RGS6: variants seen among roughly 807,000 people sequenced by gnomAD.
RGS6 encodes the protein regulator of G-protein signaling 6.
Under a neutral mutation model 78.5 loss-of-function variants are expected in RGS6, and 30 were observed. The observed-to-expected ratio is 0.38, with a 90% CI of 0.29 to 0.52. The LOEUF (loss-of-function observed/expected upper bound fraction) is 0.52. RGS6 is among the 20% of genes least tolerant of loss of function. The probability of loss-of-function intolerance (pLI) is 0.85; values close to 1 mark genes in which losing one functional copy is unlikely to be tolerated. For synonymous variants in RGS6, 206 were observed against 206.0 expected (o/e 1.00, Z 0.00); for missense variants, 495 against 609.7 (o/e 0.81, Z 1.98).
intron 15 of RGS6, among the ~76,000 whole-genome samples, chr14:72,522,984 A>G (rs775805290): frequency 6.6e-6 from 1 of 152,258 alleles, no homozygotes; most frequent in Non-Finnish European, 1.5e-5. Flanking sequence ...ATGTTTCTAC[A>G]TGAGGATTGA....
In RGS6 at chr14:71,969,196, T is replaced by C. The variant is rs112365259; in HGVS notation, c.84+4321T>C. Among the ~76,000 whole-genome samples, 1,099 of 152,356 alleles carry C rather than the reference T, an allele frequency of 7.2e-3. 16 individuals carry two copies. The highest frequency in any genetic ancestry group is 0.025 in the African/African-American group (1,043 of 41,582). ...TGCATAGTATTCCATGGTGTATATGTGCCACATTTTCTTAATCCAGTATAT... is the reference window on the plus strand; with the variant it reads ...TGCATAGTATTCCATGGTGTATATGCGCCACATTTTCTTAATCCAGTATAT... On this transcript the variant is annotated intron_variant, in intron 2 of 17. Coordinates refer to ENST00000553525, the MANE Select transcript of RGS6 (RefSeq NM_001204424.2).
At chr14:72,175,666 C>T (rs530570261) in intron 2 of RGS6, among the ~76,000 whole-genome samples, 9 of 152,282 alleles carry the variant, frequency 5.9e-5, no homozygotes, top group African/African-American at 2.2e-4. Flanking sequence ...CACAAATGAA[C>T]GCTCTAGTCA....
At chr14:72,365,888 G>A (rs748747937) in intron 3 of RGS6, among the ~76,000 whole-genome samples, 1 of 152,084 alleles carries the variant, frequency 6.6e-6, no homozygotes, top group Non-Finnish European at 1.5e-5. Context: ...CACAAGATCA[G>A]TCTTGATTAT....
chr14:72,584,596 T>G, the RGS6 span, among the ~76,000 whole-genome samples: 1 of 152,048 alleles, frequency 6.6e-6, no homozygotes, highest in Non-Finnish European at 1.5e-5. Context: ...AGGTTGATGC[T>G]CAAAGGCAGT....
chr14:72,238,201 G>A (rs1387016712), intron 2 of RGS6, among the ~76,000 whole-genome samples: 1 of 152,152 alleles, frequency 6.6e-6, no homozygotes, highest in Non-Finnish European at 1.5e-5. Flanking sequence ...CGGACACTCA[G>A]TTGCTTCTCC....
chr14:71,980,884 C>G, intron 2 of RGS6, among the ~76,000 whole-genome samples: 1 of 97,962 alleles, frequency 1.0e-5, no homozygotes, highest in Non-Finnish European at 2.1e-5. Context: ...TTCTCCCCAT[C>G]ACTTTCAGGT....
intron 2 of RGS6, among the ~76,000 whole-genome samples, chr14:72,320,530 A>G (rs2071625088): frequency 6.6e-6 from 1 of 152,194 alleles, no homozygotes; most frequent in South Asian, 2.1e-4. Context: ...GTGAGCAGAG[A>G]TCACACCACT....
chr14:72,165,225 G>A (rs957033180), intron 2 of RGS6, among the ~76,000 whole-genome samples: 2 of 152,228 alleles, frequency 1.3e-5, no homozygotes, highest in African/African-American at 4.8e-5. Flanking sequence ...TATGTGCAGT[G>A]ATTATGAGAT....
chr14:72,466,270 C>A (rs1457499540), intron 7 of RGS6, among the ~76,000 whole-genome samples: 1 of 152,218 alleles, frequency 6.6e-6, no homozygotes, highest in Non-Finnish European at 1.5e-5. Context: ...CTGGAACTCT[C>A]CGCTTTGCTA....
chr14:72,046,592 CTCCTCTTCTTCCTCCCCCTCCTT>C (rs1388902705), intron 2 of RGS6, among the ~76,000 whole-genome samples: 1 of 151,740 alleles, frequency 6.6e-6, no homozygotes, highest in Non-Finnish European at 1.5e-5. Context: ...CCCTGCTCCT[CTCCTCTTCTTCCTCCCCCTCCTT>C]TCCTCTTCCT....
intron 3 of RGS6, among the ~76,000 whole-genome samples, chr14:72,440,613 A>G (rs1289248302): frequency 4.6e-5 from 7 of 151,868 alleles, no homozygotes; most frequent in Admixed American, 3.9e-4. Flanking sequence ...GGGTTTCACC[A>G]TGTTGGCCAG....
At chr14:72,349,880 G>T (rs973720198) in intron 2 of RGS6, among the ~76,000 whole-genome samples, 15 of 152,144 alleles carry the variant, frequency 9.9e-5, no homozygotes, top group Non-Finnish European at 2.1e-4. Context: ...AATTCTCAAT[G>T]ATTTTCTGGC....
chr14:72,608,405 T>C, the RGS6 span, among the ~76,000 whole-genome samples: 2 of 152,184 alleles, frequency 1.3e-5, no homozygotes, highest in South Asian at 4.1e-4. Flanking sequence ...ATGTGTCCTC[T>C]GTGATACCTC....
At chr14:72,043,953 TCTC>T (rs1323806718) in intron 2 of RGS6, among the ~76,000 whole-genome samples, 3 of 152,100 alleles carry the variant, frequency 2.0e-5, no homozygotes, top group Admixed American at 6.5e-5. Context: ...TTGTTCCGCT[TCTC>T]CTCCTCCTCC....
intron 2 of RGS6, among the ~76,000 whole-genome samples, chr14:72,263,038 G>A (rs971048570): frequency 2.6e-5 from 4 of 152,136 alleles, no homozygotes; most frequent in Non-Finnish European, 5.9e-5. Context: ...GCCTGGGTTA[G>A]GGATACATAT....
At chr14:72,045,591 A>G (rs1465101165) in intron 2 of RGS6, among the ~76,000 whole-genome samples, 1 of 152,140 alleles carries the variant, frequency 6.6e-6, no homozygotes, top group African/African-American at 2.4e-5. Flanking sequence ...TATGGTGCTA[A>G]GGTGTAGGGA....
At chr14:72,426,389 C>A (rs1005326244) in intron 3 of RGS6, among the ~76,000 whole-genome samples, 1 of 152,200 alleles carries the variant, frequency 6.6e-6, no homozygotes, top group African/African-American at 2.4e-5. Context: ...AAACAAAAAT[C>A]TGGATGACCA....
chr14:72,150,793 A>G (rs941036988), intron 2 of RGS6, among the ~76,000 whole-genome samples: 7 of 151,872 alleles, frequency 4.6e-5, no homozygotes, highest in East Asian at 1.9e-4. Flanking sequence ...TGATCCAATC[A>G]CCTCCTACCA....
In RGS6 at chr14:71,936,054, CAT is replaced by C. The variant is rs1297150742; in HGVS notation, c.-21+3119_-21+3120del. On this transcript the variant is annotated intron_variant, in intron 1 of 17. Transcript: ENST00000553525. The stretch of plus-strand genomic sequence containing the variant: ...TATATATATATATGTACATATATAT[CAT>C]ATATACATATATGCTATATATATGC... Among the ~76,000 whole-genome samples the C allele has an allele frequency of 9.9e-3, 312 of 31,560 alleles. 7 individuals carry two copies. The highest frequency in any genetic ancestry group is 9.5e-3 in the Non-Finnish European group (106 of 11,200). 20.7% of individuals were successfully genotyped at this position (31,560 alleles called of 152,430 possible).
Sources: allele counts gnomAD v4.1 joint callset (sites outside exome capture counted in the v4.1 genomes callset), GRCh38; gene constraint gnomAD v4.1.1; transcripts MANE v1.5; gene names NCBI Gene and HGNC (gene_info 2026-07-23, HGNC 2026-07-21).